AGBL4: variants seen among roughly 807,000 people sequenced by gnomAD.
AGBL4 encodes AGBL carboxypeptidase 4, also known as cytosolic carboxypeptidase 6.
A neutral mutation model predicts 66.4 loss-of-function variants in AGBL4; 58 were observed. The ratio of observed to expected loss-of-function variants is 0.87; its 90% CI spans 0.71 to 1.09. The LOEUF (loss-of-function observed/expected upper bound fraction) is 1.09, where lower values mean the gene tolerates loss of function less well. Among genes scored for constraint, AGBL4 ranks in the 50% least tolerant of loss-of-function variants. AGBL4 has a pLI of 0.00. For missense variants in AGBL4, 579 were observed against 631.0 expected (o/e 0.92, Z 0.88); for synonymous variants, 234 against 222.9 (o/e 1.05, Z -0.44).
At chr1:49,412,802 A>C (rs1351381179) in intron 3 of AGBL4, among the ~76,000 whole-genome samples, 1 of 152,170 alleles carries the variant, frequency 6.6e-6, no homozygotes, top group African/African-American at 2.4e-5. Context: ...TTTTCTGAAG[A>C]GAGTACAACA....
chr1:49,913,784 T>G (rs1228494353), intron 1 of AGBL4, among the ~76,000 whole-genome samples: 1 of 152,222 alleles, frequency 6.6e-6, no homozygotes, highest in Admixed American at 6.5e-5. Flanking sequence ...GTTTATGGCA[T>G]GTACCTTCTA....
chr1:48,714,967 T>C (rs1252608665), intron 6 of AGBL4, among the ~76,000 whole-genome samples: 1 of 152,188 alleles, frequency 6.6e-6, no homozygotes, highest in East Asian at 1.9e-4. Flanking sequence ...GAAGATGGAA[T>C]GAGACAGTAT....
intron 3 of AGBL4, among the ~76,000 whole-genome samples, chr1:49,441,375 T>C (rs1646025971): frequency 6.6e-6 from 1 of 152,106 alleles, no homozygotes; most frequent in Non-Finnish European, 1.5e-5. Flanking sequence ...GCTCCAGGAA[T>C]TAAAAAAGGC....
chr1:49,149,391 A>C (rs1243438968), intron 4 of AGBL4, among the ~76,000 whole-genome samples: 1 of 152,166 alleles, frequency 6.6e-6, no homozygotes, highest in Non-Finnish European at 1.5e-5. Flanking sequence ...CAAACAGAAC[A>C]GTTTCTCTCT....
At chr1:48,703,868 G>A (rs1218738656) in intron 6 of AGBL4, among the ~76,000 whole-genome samples, 1 of 152,218 alleles carries the variant, frequency 6.6e-6, no homozygotes, top group Admixed American at 6.5e-5. Flanking sequence ...GTTGTTAACT[G>A]ATAATTAGAG....
At chr1:48,799,127 A>G (rs1269374136) in intron 6 of AGBL4, among the ~76,000 whole-genome samples, 2 of 152,210 alleles carry the variant, frequency 1.3e-5, no homozygotes, top group Admixed American at 1.3e-4. Context: ...TTTTTACAAT[A>G]GTGATTCTAC....
At chr1:48,940,158 T>A (rs1027562883) in intron 5 of AGBL4, among the ~76,000 whole-genome samples, 9 of 152,172 alleles carry the variant, frequency 5.9e-5, no homozygotes, top group Admixed American at 5.9e-4. Flanking sequence ...GGTGGGCAGA[T>A]CACGAGGTCA....
At chr1:48,567,862 T>C (rs926531925) in intron 11 of AGBL4, among the ~76,000 whole-genome samples, 1 of 151,954 alleles carries the variant, frequency 6.6e-6, no homozygotes, top group African/African-American at 2.4e-5. Context: ...AAGGAAAAGG[T>C]GAGGGGCTTC....
intron 2 of AGBL4, among the ~76,000 whole-genome samples, chr1:49,746,683 TAAGC>T (rs1357390775): frequency 6.6e-6 from 1 of 152,064 alleles, no homozygotes; most frequent in Admixed American, 6.6e-5. Flanking sequence ...CTTGTCTAGG[TAAGC>T]CAATGGCTAA....
intron 3 of AGBL4, among the ~76,000 whole-genome samples, chr1:49,369,332 C>A (rs761065712): frequency 6.6e-6 from 1 of 152,130 alleles, no homozygotes; most frequent in Non-Finnish European, 1.5e-5. Context: ...CAAAGCAAAT[C>A]TTACGAAGAG....
At chr1:49,252,668 G>A (rs1159441179) in intron 3 of AGBL4, among the ~76,000 whole-genome samples, 3 of 152,086 alleles carry the variant, frequency 2.0e-5, no homozygotes, top group Admixed American at 6.5e-5. Flanking sequence ...AGAAAGGTCA[G>A]GTAACCTACA....
chr1:49,243,417 G>A (rs1227431395), intron 4 of AGBL4, among the ~76,000 whole-genome samples: 1 of 151,664 alleles, frequency 6.6e-6, no homozygotes, highest in Non-Finnish European at 1.5e-5. Flanking sequence ...TCAAACCCTG[G>A]GAACATTTAG....
intron 1 of AGBL4, among the ~76,000 whole-genome samples, chr1:49,960,452 A>T (rs1211497487): frequency 6.6e-6 from 1 of 152,042 alleles, no homozygotes; most frequent in Non-Finnish European, 1.5e-5. Flanking sequence ...GAGATTTCAT[A>T]AAAGATTAAA....
intron 3 of AGBL4, among the ~76,000 whole-genome samples, chr1:49,593,955 T>C (rs1644803154): frequency 6.6e-6 from 1 of 152,120 alleles, no homozygotes; most frequent in African/African-American, 2.4e-5. Context: ...ATGAATATAA[T>C]ATATATGGAA....
downstream of AGBL4, among the ~76,000 whole-genome samples, chr1:48,529,598 T>G (rs769562238): frequency 9.2e-5 from 14 of 152,132 alleles, no homozygotes; most frequent in Non-Finnish European, 1.8e-4. Flanking sequence ...GTGGCCCTGA[T>G]GCCCCTTTGG....
At chr1:48,814,076 C>T (rs958472402) in intron 6 of AGBL4, among the ~76,000 whole-genome samples, 1 of 152,052 alleles carries the variant, frequency 6.6e-6, no homozygotes, top group Non-Finnish European at 1.5e-5. Flanking sequence ...CTGGCAAAAT[C>T]CTGTCATGAT....
intron 5 of AGBL4, among the ~76,000 whole-genome samples, chr1:48,876,628 G>A (rs1313816626): frequency 3.9e-5 from 6 of 152,146 alleles, no homozygotes; most frequent in Non-Finnish European, 8.8e-5. Context: ...CATGTCTCAT[G>A]TTACAGTTAG....
rs147143876 is a variant in AGBL4, at chr1:49,678,291, G to A, written c.282+19022C>T. On this transcript the variant is annotated intron_variant, in intron 3 of 13. Coordinates refer to ENST00000371839, the MANE Select transcript of AGBL4 (RefSeq NM_032785.4). ...CTTTGTTATTTTATTGACATCTTCA[G>A]AGTCTATGGTGGTATCTCCTATTTC... Among the ~76,000 whole-genome samples, 17 of 152,180 alleles carry A rather than the reference G, an allele frequency of 1.1e-4. No homozygotes were observed. In the East Asian group the frequency reaches 3.3e-3, roughly 29 times the overall value.
intron 6 of AGBL4, among the ~76,000 whole-genome samples, chr1:48,835,294 C>T (rs995342894): frequency 1.3e-5 from 2 of 152,090 alleles, no homozygotes; most frequent in African/African-American, 4.8e-5. Flanking sequence ...AGATTAAACA[C>T]CTTTTAAGTG....
Sources: allele counts gnomAD v4.1 joint callset (sites outside exome capture counted in the v4.1 genomes callset), GRCh38; gene constraint gnomAD v4.1.1; transcripts MANE v1.5; gene names NCBI Gene and HGNC (gene_info 2026-07-23, HGNC 2026-07-21).